ASB4: variants seen among roughly 807,000 people sequenced by gnomAD.
The protein encoded by ASB4 is ankyrin repeat and SOCS box containing 4.
A neutral mutation model predicts 38.6 loss-of-function variants in ASB4; 35 were observed. The observed-to-expected ratio is 0.91, with a 90% CI of 0.69 to 1.20. The LOEUF is 1.20. Ranked by LOEUF, ASB4 falls within the 50% of genes most tolerant of loss-of-function variation. The pLI is 0.00. For synonymous variants in ASB4, 195 were observed against 201.3 expected, an observed-to-expected ratio of 0.97 and a Z score of 0.26; for missense variants, 557 against 527.2, an observed-to-expected ratio of 1.06 and a Z score of -0.55.
chr7:95,495,949 T>C lies in ASB4; in HGVS notation c.379T>C (p.Cys127Arg). Residue 127 changes from cysteine (C) to arginine (R), a missense_variant, in exon 2 of 5, where the codon TGT becomes CGT. Coordinates refer to ENST00000325885, the MANE Select transcript of ASB4 (RefSeq NM_016116.3). ...MANVDCVKILCDRGAKLNCYS... is the reference protein window; with the variant it reads ...MANVDCVKILRDRGAKLNCYS... ...CAATGTGGATTGTGTTAAGATCCTC[T>C]GTGATCGTGGGGCAAAGCTCAATTG... is the stretch of plus-strand genomic sequence containing the variant. 6.2e-7 allele frequency: 1 copy of C among 1,614,176 alleles called. No homozygotes were observed. The highest frequency in any genetic ancestry group is 8.5e-7 in the Non-Finnish European group (1 of 1,180,006).
intron 3 of ASB4, among the ~76,000 whole-genome samples, chr7:95,531,438 T>A (rs1050955005): frequency 2.0e-5 from 3 of 152,194 alleles, no homozygotes; most frequent in African/African-American, 7.2e-5. Flanking sequence ...GGCATGAAGG[T>A]GCCAGAGAAA....
In ASB4 at chr7:95,533,566, C is replaced by T. The variant is rs73711346; in HGVS notation, c.979-2871C>T. 9.5e-3 allele frequency among the ~76,000 whole-genome samples: 1,444 copies of T among 152,296 alleles called. 21 individuals carry two copies. The highest frequency in any genetic ancestry group is 0.032 in the African/African-American group (1,340 of 41,550). On this transcript the variant is annotated intron_variant, in intron 3 of 4. Coordinates refer to ENST00000325885, the MANE Select transcript of ASB4 (RefSeq NM_016116.3). ...TGTCTTCATCTCTTGATCTTCATGA[C>T]CCCCTTGATAATCTCACTTTGAATG...
At chr7:95,523,651 C>T (rs963865485) in intron 2 of ASB4, among the ~76,000 whole-genome samples, 1 of 151,990 alleles carries the variant, frequency 6.6e-6, no homozygotes, top group African/African-American at 2.4e-5. Context: ...TCAAATGTTT[C>T]AGCTTAATAA....
chr7:95,545,694 T>C, the ASB4 span, among the ~76,000 whole-genome samples: 1 of 152,204 alleles, frequency 6.6e-6, no homozygotes, highest in Non-Finnish European at 1.5e-5. Context: ...GTTGATATAT[T>C]CTTAGGGTCT....
chr7:95,527,768 AC>A, intron 2 of ASB4, 44 bp from the exon 3 acceptor site: 1 of 1,529,948 alleles, frequency 6.5e-7, no homozygotes, highest in Non-Finnish European at 8.9e-7. Flanking sequence ...AGGAATAATG[AC>A]AAAACATGTT....
At chr7:95,544,940 G>A (rs568547124), downstream of ASB4, among the ~76,000 whole-genome samples, 25 of 152,112 alleles carry the variant, frequency 1.6e-4, no homozygotes, top group South Asian at 1.0e-3. Context: ...CACCTGTCTC[G>A]GCCTTCCAAA....
intron 2 of ASB4, among the ~76,000 whole-genome samples, chr7:95,515,155 T>TTCTTTC (rs1322033924): frequency 7.7e-5 from 11 of 142,040 alleles, no homozygotes; most frequent in African/African-American, 2.9e-4. Flanking sequence ...TTTTCTTTCT[T>TTCTTTC]TCTTTCTCTT....
At chr7:95,522,486 T>C (rs1212551467) in intron 2 of ASB4, among the ~76,000 whole-genome samples, 1 of 152,234 alleles carries the variant, frequency 6.6e-6, no homozygotes, top group African/African-American at 2.4e-5. Context: ...AGTTTATTTA[T>C]ATTATTTGTA....
the ASB4 span, among the ~76,000 whole-genome samples, chr7:95,546,614 C>T: frequency 6.6e-6 from 1 of 152,116 alleles, no homozygotes; most frequent in South Asian, 2.1e-4. Flanking sequence ...CAGACTCAGC[C>T]GCAGAGTTCT....
In ASB4 at chr7:95,539,042, G is replaced by T. The variant is rs1790935271; in HGVS notation, c.*1283G>T. The T allele has an allele frequency of 6.6e-6, 1 of 151,122 alleles. No homozygotes were observed. Among genetic ancestry groups the T allele is most frequent in the African/African-American group, 2.4e-5 (1 of 40,940 alleles). The allele number at this position is 151,122 out of a possible 1,614,324, so 9.4% of individuals were successfully genotyped here. ...TAGGTGATTAAGCTCTGGGCCTTGTGGTTTATGAGGTCAATTTTGCTTCAC... is the reference window on the plus strand; with the variant it reads ...TAGGTGATTAAGCTCTGGGCCTTGTTGTTTATGAGGTCAATTTTGCTTCAC... On this transcript the variant is annotated 3_prime_UTR_variant, in exon 5 of 5. Coordinates refer to ENST00000325885, the MANE Select transcript of ASB4 (RefSeq NM_016116.3).
intron 2 of ASB4, among the ~76,000 whole-genome samples, chr7:95,507,217 A>T (rs1221626877): frequency 1.3e-5 from 2 of 150,842 alleles, no homozygotes; most frequent in African/African-American, 4.9e-5. Context: ...TCTCTTATGA[A>T]TTTTTTTTTC....
At chr7:95,497,043 G>C (rs1004873455) in intron 2 of ASB4, among the ~76,000 whole-genome samples, 2 of 152,156 alleles carry the variant, frequency 1.3e-5, no homozygotes, top group African/African-American at 4.8e-5. Flanking sequence ...GTGTGGGGTA[G>C]GGTGGGAAGG....
Position 95,514,830 on chromosome 7 carries a change from T to G in ASB4, c.488-12983T>G, listed in dbSNP as rs115457619. Among the ~76,000 whole-genome samples the G allele has an allele frequency of 4.9e-3, 752 of 152,322 alleles. 5 individuals carry two copies. The highest frequency in any genetic ancestry group is 0.017 in the African/African-American group (712 of 41,564). ...AAAAATTGTGAAGTCTTTTGCTTAA[T>G]TCCATCCAAAGTGTGAAGGGGACTT... On this transcript the variant is annotated intron_variant, in intron 2 of 4. Transcript: ENST00000325885.
upstream of ASB4, chr7:95,473,815 T>A (rs1217119805): frequency 6.6e-6 from 1 of 152,122 alleles, no homozygotes; most frequent in East Asian, 1.9e-4. Flanking sequence ...TTTAAGCCAA[T>A]GCCGCCCTGT....
At chr7:95,489,656 A>C (rs1402293976) in intron 1 of ASB4, among the ~76,000 whole-genome samples, 1 of 152,234 alleles carries the variant, frequency 6.6e-6, no homozygotes, top group Non-Finnish European at 1.5e-5. Flanking sequence ...AAAACAAGTA[A>C]GCCAAAATTG....
chr7:95,500,602 G>A (rs1477638487), intron 2 of ASB4, among the ~76,000 whole-genome samples: 2 of 130,240 alleles, frequency 1.5e-5, no homozygotes, highest in African/African-American at 5.8e-5. Context: ...AAAAAGCCAT[G>A]ATCTTTTCAA....
chr7:95,475,716 T>G (rs1789970876), upstream of ASB4, among the ~76,000 whole-genome samples: 1 of 152,158 alleles, frequency 6.6e-6, no homozygotes, highest in South Asian at 2.1e-4. Flanking sequence ...TTGCTCTACT[T>G]GCATTCAAGG....
At chr7:95,515,311 T>TCC (rs747489765) in intron 2 of ASB4, among the ~76,000 whole-genome samples, 2,760 of 129,402 alleles carry the variant, frequency 0.021, 112 homozygotes, top group Non-Finnish European at 0.025. Flanking sequence ...CTTTCTTTCT[T>TCC]TCTTTCTTCC....
upstream of ASB4, among the ~76,000 whole-genome samples, chr7:95,475,866 G>A (rs1432922553): frequency 6.6e-6 from 1 of 152,164 alleles, no homozygotes; most frequent in African/African-American, 2.4e-5. Flanking sequence ...GCAAGGTTGT[G>A]AAGAATCTTT....
Sources: gnomAD v4.1 joint callset for allele counts (sites outside exome capture counted in the v4.1 genomes callset) on GRCh38, gnomAD v4.1.1 for gene constraint, MANE v1.5 for transcripts, NCBI Gene and HGNC (gene_info 2026-07-23, HGNC 2026-07-21) for gene names.